LINGO2: variants seen among roughly 807,000 people sequenced by gnomAD.
LINGO2 encodes the protein leucine-rich repeat and immunoglobulin-like domain-containing nogo receptor-interacting protein 2.
In LINGO2, 14 loss-of-function variants were observed where a neutral mutation model predicts 30.6. The observed-to-expected ratio is 0.46, with a 90% confidence interval of 0.30 to 0.72. LINGO2 has a LOEUF of 0.72. Ranked by LOEUF, LINGO2 falls within the 30% of genes least tolerant of loss-of-function variation. LINGO2 has a pLI of 0.07. For missense variants in LINGO2, 729 were observed against 751.7 expected (o/e 0.97, Z 0.35); for synonymous variants, 317 against 288.5 (o/e 1.10, Z -1.00).
intron 5 of LINGO2, among the ~76,000 whole-genome samples, chr9:28,001,358 T>C (rs1248550578): frequency 6.6e-6 from 1 of 152,150 alleles, no homozygotes; most frequent in Non-Finnish European, 1.5e-5. Flanking sequence ...AATCATCGAC[T>C]TGTAGAATTT....
the LINGO2 span, among the ~76,000 whole-genome samples, chr9:29,045,045 C>T: frequency 6.6e-6 from 1 of 151,988 alleles, no homozygotes; most frequent in Admixed American, 6.6e-5. Flanking sequence ...AAATGCCTAC[C>T]TGATGAGATT....
At chr9:28,078,855 A>G (rs1825697936) in intron 4 of LINGO2, among the ~76,000 whole-genome samples, 1 of 148,394 alleles carries the variant, frequency 6.7e-6, no homozygotes, top group African/African-American at 2.6e-5. Flanking sequence ...TCAAAAAAAA[A>G]AAAAATCTAT....
intron 4 of LINGO2, among the ~76,000 whole-genome samples, chr9:28,100,725 G>A (rs1180531698): frequency 6.6e-6 from 1 of 152,090 alleles, no homozygotes; most frequent in Non-Finnish European, 1.5e-5. Context: ...AGGGATTATT[G>A]CTTCCCATCC....
At chr9:28,760,623 C>T in the LINGO2 span, among the ~76,000 whole-genome samples, 1 of 151,850 alleles carries the variant, frequency 6.6e-6, no homozygotes, top group African/African-American at 2.4e-5. Flanking sequence ...GTGTACATTG[C>T]ACCATATTTG....
chr9:28,540,241 G>T lies in LINGO2; in HGVS notation c.-364-64216C>A, dbSNP rs117166981. Among the ~76,000 whole-genome samples, 1,409 of 148,848 alleles carry T rather than the reference G, an allele frequency of 9.5e-3. 37 individuals are homozygous for T. The East Asian group carries it at 0.095, about 10-fold the overall frequency. On this transcript the variant is annotated intron_variant, in intron 1 of 5. Transcript: ENST00000379992. Reference sequence around the variant, plus strand: ...TTCATTTTTTTTTTCTTTGAGACAGGCTCTCTCTCTCTTTCTGTCTCTCTC... The same window carrying T: ...TTCATTTTTTTTTTCTTTGAGACAGTCTCTCTCTCTCTTTCTGTCTCTCTC...
intron 4 of LINGO2, among the ~76,000 whole-genome samples, chr9:28,289,391 C>T (rs1386400805): frequency 6.6e-6 from 1 of 152,178 alleles, no homozygotes; most frequent in Non-Finnish European, 1.5e-5. Context: ...TGTCTCTGTA[C>T]ATCCTGATTA....
intron 2 of LINGO2, among the ~76,000 whole-genome samples, chr9:28,414,657 G>GA (rs143320214): frequency 0.031 from 4,740 of 152,118 alleles, 250 homozygotes; most frequent in African/African-American, 0.11. Flanking sequence ...ATCATCTTCT[G>GA]ATGGGGGTGG....
At chr9:28,965,673 C>T in the LINGO2 span, among the ~76,000 whole-genome samples, 4 of 152,092 alleles carry the variant, frequency 2.6e-5, no homozygotes, top group Non-Finnish European at 4.4e-5. Context: ...AACTCAAATA[C>T]TACTTCTTAA....
chr9:27,984,790 T>TA (rs552300252), intron 5 of LINGO2, among the ~76,000 whole-genome samples: 228 of 151,968 alleles, frequency 1.5e-3, no homozygotes, highest in Non-Finnish European at 2.9e-3. Context: ...CATCTGTTTC[T>TA]AAAAAAATCT....
chr9:28,817,426 T>G, the LINGO2 span, among the ~76,000 whole-genome samples: 3 of 152,192 alleles, frequency 2.0e-5, no homozygotes, highest in Non-Finnish European at 4.4e-5. Flanking sequence ...CACAGATATT[T>G]GAATGCTTTC....
chr9:29,211,220 A>G, the LINGO2 span, among the ~76,000 whole-genome samples: 1 of 152,172 alleles, frequency 6.6e-6, no homozygotes, highest in Non-Finnish European at 1.5e-5. Flanking sequence ...CACGCTGAAA[A>G]ATACATACAT....
intron 4 of LINGO2, chr9:28,149,030 G>A (rs1180785273): frequency 5.9e-6 from 9 of 1,534,464 alleles, no homozygotes; most frequent in Non-Finnish European, 7.8e-6. Flanking sequence ...TAGAGACGAG[G>A]GGCCCCCACC....
the LINGO2 span, among the ~76,000 whole-genome samples, chr9:29,157,858 T>A: frequency 1.3e-5 from 2 of 152,266 alleles, no homozygotes; most frequent in Admixed American, 1.3e-4. Context: ...GACCTCCTCA[T>A]GAAACAGTAC....
At chr9:28,635,242 G>A (rs1827205430) in intron 1 of LINGO2, among the ~76,000 whole-genome samples, 1 of 152,192 alleles carries the variant, frequency 6.6e-6, no homozygotes, top group Admixed American at 6.5e-5. Context: ...TAGAGTAGCT[G>A]TAATTAATGG....
chr9:29,006,140 T>C, the LINGO2 span, among the ~76,000 whole-genome samples: 3,694 of 151,654 alleles, frequency 0.024, 57 homozygotes, highest in Middle Eastern at 0.048. Flanking sequence ...AAATACTCAA[T>C]ATTCAATAAA....
At chr9:28,372,945 A>G (rs1820961567) in intron 2 of LINGO2, 77 bp from the exon 5 acceptor site, 1 of 152,414 alleles carries the variant, frequency 6.6e-6, no homozygotes. Flanking sequence ...TCAAAAAGAC[A>G]TTTTCTTTAT....
the LINGO2 span, among the ~76,000 whole-genome samples, chr9:29,044,848 T>C: frequency 4.6e-5 from 7 of 152,112 alleles, no homozygotes; most frequent in African/African-American, 1.7e-4. Flanking sequence ...ACCCTTAAGA[T>C]AAAGTTTACT....
chr9:28,285,051 C>T (rs1339403934), intron 4 of LINGO2, among the ~76,000 whole-genome samples: 5 of 152,166 alleles, frequency 3.3e-5, no homozygotes, highest in African/African-American at 1.2e-4. Flanking sequence ...ACCACTACCA[C>T]AACAAAACAC....
At chr9:28,334,420 C>T (rs184769418) in intron 3 of LINGO2, among the ~76,000 whole-genome samples, 1 of 152,110 alleles carries the variant, frequency 6.6e-6, no homozygotes. Context: ...AGAAAAATAT[C>T]CACAACGTAT....
Sources: allele counts gnomAD v4.1 joint callset (sites outside exome capture counted in the v4.1 genomes callset), GRCh38; gene constraint gnomAD v4.1.1; transcripts MANE v1.5; gene names NCBI Gene and HGNC (gene_info 2026-07-23, HGNC 2026-07-21).